BAZ2B: variants seen among roughly 807,000 people sequenced by gnomAD.
BAZ2B encodes bromodomain adjacent to zinc finger domain protein 2B.
A neutral mutation model predicts 246.0 loss-of-function variants in BAZ2B; 91 were observed. That is an observed-to-expected ratio of 0.37 (90% CI 0.31 to 0.44). BAZ2B has a LOEUF of 0.44. BAZ2B is among the 20% of genes least tolerant of loss of function. The probability of loss-of-function intolerance (pLI) is 1.00; values close to 1 mark genes in which losing one functional copy is unlikely to be tolerated. For missense variants in BAZ2B, 2,332 were observed against 2,533.7 expected (o/e 0.92, Z 1.71); for synonymous variants, 855 against 860.0 (o/e 0.99, Z 0.10).
intron 1 of BAZ2B, among the ~76,000 whole-genome samples, chr2:159,575,325 A>C (rs1685049249): frequency 6.6e-6 from 1 of 152,206 alleles, no homozygotes; most frequent in Non-Finnish European, 1.5e-5. Context: ...AACCATGCAG[A>C]AAGGGAGAGT....
At chr2:159,576,075 C>T (rs181182872) in intron 1 of BAZ2B, among the ~76,000 whole-genome samples, 3 of 152,220 alleles carry the variant, frequency 2.0e-5, no homozygotes, top group Admixed American at 6.5e-5. Context: ...TATAAATTAG[C>T]TCCACAATGT....
the BAZ2B span, chr2:159,689,464 C>T: frequency 1.3e-5 from 3 of 230,458 alleles, no homozygotes; most frequent in Non-Finnish European, 2.5e-5. Flanking sequence ...CTCTGCCTCC[C>T]AGGTTCAAGT....
intron 2 of BAZ2B, among the ~76,000 whole-genome samples, chr2:159,494,904 T>C (rs1253103070): frequency 2.6e-5 from 4 of 151,932 alleles, no homozygotes; most frequent in South Asian, 2.1e-4. Context: ...CTAGAGTAGG[T>C]TGGAGCAATA....
intron 1 of BAZ2B, among the ~76,000 whole-genome samples, chr2:159,591,039 A>G (rs1266628603): frequency 6.6e-6 from 1 of 152,180 alleles, no homozygotes; most frequent in Non-Finnish European, 1.5e-5. Flanking sequence ...TTCTAGGTTC[A>G]CTTAAGTAGT....
At position 159,429,151 on chromosome 2, in the gene BAZ2B, G is replaced by A. The variant is rs768164480; in HGVS notation, c.2255+49C>T. 8 of 1,263,084 alleles carry A rather than the reference G, an allele frequency of 6.3e-6. No individual in the cohort carries two copies. The South Asian group carries it at 1.4e-4, about 22-fold the overall frequency. 78.2% of individuals were successfully genotyped at this position (1,263,084 alleles called of 1,614,324 possible). A position where few individuals can be genotyped will look rare whatever the true frequency, so the allele number is the denominator to read the frequency against. ...GAGAAATCAAGTATACATCAAACTTGCATAAATATATGGGGGAAAAAGAAA... is the reference window on the plus strand; with the variant it reads ...GAGAAATCAAGTATACATCAAACTTACATAAATATATGGGGGAAAAAGAAA... On this transcript the variant is annotated intron_variant, in intron 11 of 36. Coordinates refer to ENST00000392783, the MANE Select transcript of BAZ2B (RefSeq NM_013450.4).
intron 13 of BAZ2B, among the ~76,000 whole-genome samples, chr2:159,413,840 T>C (rs1411542487): frequency 6.6e-6 from 1 of 151,588 alleles, no homozygotes; most frequent in African/African-American, 2.4e-5. Context: ...ACAACCACTA[T>C]GGAGAACAGT....
At chr2:159,563,002 T>C (rs1281047936) in intron 1 of BAZ2B, among the ~76,000 whole-genome samples, 7 of 152,056 alleles carry the variant, frequency 4.6e-5, no homozygotes, top group Admixed American at 4.6e-4. Context: ...CCTTCAAAAA[T>C]CAATTTCAGA....
intron 6 of BAZ2B, among the ~76,000 whole-genome samples, chr2:159,440,579 C>T (rs1173449384): frequency 2.0e-5 from 3 of 149,942 alleles, no homozygotes; most frequent in Non-Finnish European, 4.4e-5. Context: ...TACAGTGGCA[C>T]GACCTCAGCT....
chr2:159,571,664 G>A (rs748169430), intron 1 of BAZ2B, among the ~76,000 whole-genome samples: 1 of 152,192 alleles, frequency 6.6e-6, no homozygotes, highest in Non-Finnish European at 1.5e-5. Context: ...TAACAGAATG[G>A]CACAGAATGG....
chr2:159,537,808 AT>A (rs912459130), intron 2 of BAZ2B, among the ~76,000 whole-genome samples: 20 of 151,388 alleles, frequency 1.3e-4, no homozygotes, highest in South Asian at 1.3e-3. Flanking sequence ...CTTTTTGAAA[AT>A]TTTTTTTTCC....
chr2:159,695,853 C>G, the BAZ2B span, among the ~76,000 whole-genome samples: 3 of 152,124 alleles, frequency 2.0e-5, no homozygotes, highest in South Asian at 6.2e-4. Context: ...CTCCTGGGTT[C>G]AAGTGATTCT....
At chr2:159,559,110 C>T (rs1026819484) in intron 1 of BAZ2B, among the ~76,000 whole-genome samples, 3 of 152,042 alleles carry the variant, frequency 2.0e-5, no homozygotes, top group African/African-American at 7.2e-5. Flanking sequence ...CATGGTGGCA[C>T]ACGCCTGTAG....
chr2:159,656,680 T>G, the BAZ2B span, among the ~76,000 whole-genome samples: 1 of 152,168 alleles, frequency 6.6e-6, no homozygotes, highest in Non-Finnish European at 1.5e-5. Context: ...TCATTTCTTC[T>G]TAGTACTGAA....
intron 2 of BAZ2B, among the ~76,000 whole-genome samples, chr2:159,491,946 T>A: frequency 6.6e-6 from 1 of 152,128 alleles, no homozygotes; most frequent in East Asian, 1.9e-4. Flanking sequence ...TGACCTGAAC[T>A]GTCATCTAAT....
intron 16 of BAZ2B, among the ~76,000 whole-genome samples, chr2:159,403,772 C>T (rs1282877213): frequency 6.6e-6 from 1 of 152,040 alleles, no homozygotes. Flanking sequence ...GTTTTGTTGC[C>T]AGTCACTGCA....
chr2:159,337,091 T>C lies in BAZ2B; in HGVS notation c.5661-14A>G, dbSNP rs1324270523. On this transcript the variant is annotated splice_polypyrimidine_tract_variant and intron_variant, in intron 32 of 36. Coordinates refer to ENST00000392783, the MANE Select transcript of BAZ2B (RefSeq NM_013450.4). ...TCCTCTTCAATTCTGCATTGAAATA[T>C]AGAAAAATTAAGTAGGTCATGTCCA... is the stretch of plus-strand genomic sequence containing the variant. The C allele has an allele frequency of 2.5e-6, 4 of 1,603,300 alleles. No individual in the cohort carries two copies. The highest frequency in any genetic ancestry group is 3.4e-6 in the Non-Finnish European group (4 of 1,176,088).
At chr2:159,344,999 C>T (rs544878670) in intron 31 of BAZ2B, among the ~76,000 whole-genome samples, 4 of 152,112 alleles carry the variant, frequency 2.6e-5, no homozygotes, top group South Asian at 2.1e-4. Flanking sequence ...GATCTGAGGT[C>T]GGGAGTTTGA....
At chr2:159,366,604 C>T (rs1223191354) in intron 27 of BAZ2B, among the ~76,000 whole-genome samples, 6 of 152,192 alleles carry the variant, frequency 3.9e-5, no homozygotes, top group Non-Finnish European at 7.4e-5. Context: ...GAGGATATGA[C>T]CAGCAATTGC....
chr2:159,436,748 C>T (rs900254121), intron 8 of BAZ2B, among the ~76,000 whole-genome samples: 3 of 151,738 alleles, frequency 2.0e-5, no homozygotes, highest in Admixed American at 6.6e-5. Context: ...GAGACTCTGT[C>T]TCAAAAAAAA....
Sources: gnomAD v4.1 joint callset for allele counts (sites outside exome capture counted in the v4.1 genomes callset) on GRCh38, gnomAD v4.1.1 for gene constraint, MANE v1.5 for transcripts, NCBI Gene and HGNC (gene_info 2026-07-23, HGNC 2026-07-21) for gene names.